Variants in PRKG2 observed in about 807,000 individuals in gnomAD.
PRKG2 encodes cGMP-dependent protein kinase 2.
PRKG2 carries 33 observed loss-of-function variants against 97.2 expected under a neutral mutation model. That is an observed-to-expected ratio of 0.34 (90% confidence interval 0.26 to 0.45). The LOEUF is 0.45. PRKG2 is among the 20% of genes least tolerant of loss of function. The pLI, the probability that PRKG2 is intolerant of heterozygous loss-of-function variation, is 1.00. For synonymous variants in PRKG2, 330 were observed against 321.8 expected (o/e 1.03, Z -0.27); for missense variants, 638 against 900.0 (o/e 0.71, Z 3.73).
intron 17 of PRKG2, among the ~76,000 whole-genome samples, chr4:81,104,098 A>C (rs1743087828): frequency 6.6e-6 from 1 of 152,180 alleles, no homozygotes; most frequent in Admixed American, 6.6e-5. Flanking sequence ...AAGTGGATAA[A>C]AAGTTAATTT....
chr4:81,195,416 C>G (rs1431741428), intron 2 of PRKG2, among the ~76,000 whole-genome samples: 1 of 152,016 alleles, frequency 6.6e-6, no homozygotes, highest in African/African-American at 2.4e-5. Flanking sequence ...TAAAATGTAT[C>G]ATTTTAACCA....
intron 2 of PRKG2, among the ~76,000 whole-genome samples, chr4:81,178,913 T>C (rs1751160658): frequency 1.3e-5 from 2 of 151,874 alleles, no homozygotes; most frequent in South Asian, 4.2e-4. Flanking sequence ...GATTACAAAG[T>C]CAAGAGATAG....
At chr4:81,105,031 T>C (rs1029998116) in intron 16 of PRKG2, among the ~76,000 whole-genome samples, 1 of 152,108 alleles carries the variant, frequency 6.6e-6, no homozygotes, top group South Asian at 2.1e-4. Flanking sequence ...ATAATAACAC[T>C]TCATTATCAC....
At chr4:81,134,381 A>G (rs935402057) in intron 14 of PRKG2, among the ~76,000 whole-genome samples, 2 of 152,168 alleles carry the variant, frequency 1.3e-5, no homozygotes, top group South Asian at 4.1e-4. Context: ...GAAACTTTTA[A>G]TATCTTTGTA....
At chr4:81,167,350 A>T (rs1227752635) in intron 5 of PRKG2, 126 bp from the exon 6 acceptor site, 3 of 558,498 alleles carry the variant, frequency 5.4e-6, no homozygotes, top group Non-Finnish European at 9.1e-6. Flanking sequence ...TTCCAAAGTA[A>T]ATGTCCAAAT....
chr4:81,099,394 A>C (rs1022436797), intron 17 of PRKG2, among the ~76,000 whole-genome samples: 3 of 152,176 alleles, frequency 2.0e-5, no homozygotes, highest in Non-Finnish European at 4.4e-5. Flanking sequence ...CCTGGGATGC[A>C]AGGCTGGTTC....
chr4:81,122,844 G>A (rs968235319), intron 14 of PRKG2, among the ~76,000 whole-genome samples: 10 of 152,192 alleles, frequency 6.6e-5, no homozygotes, highest in Non-Finnish European at 1.5e-5. Context: ...CCAGATGGAA[G>A]TCCTGTTGTA....
intron 12 of PRKG2, 25 bp from the exon 13 acceptor site, chr4:81,137,507 T>C (rs1249322515): frequency 6.4e-7 from 1 of 1,559,776 alleles, no homozygotes; most frequent in South Asian, 1.1e-5. Flanking sequence ...AAAAACATGG[T>C]TATTATTGGA....
intron 12 of PRKG2, 84 bp from the exon 13 acceptor site, chr4:81,137,566 C>T: frequency 9.6e-7 from 1 of 1,038,476 alleles, no homozygotes; most frequent in African/African-American, 1.6e-5. Context: ...ATCATCATAA[C>T]ATTAGGAACA....
chr4:81,171,744 G>A lies in PRKG2; in HGVS notation c.689C>T (p.Thr230Ile). Reference protein sequence around the residue: ...KLLSSIPMWTTFGELAILYNC... With the variant: ...KLLSSIPMWTIFGELAILYNC... ...GTATAAAATGGCAAGCTCCCCAAATGTGGTCCACATAGGGATGGAGGACAG... is the reference window on the plus strand; with the variant it reads ...GTATAAAATGGCAAGCTCCCCAAATATGGTCCACATAGGGATGGAGGACAG... The change falls in exon 4 of 19, where the codon ACA (threonine) becomes ATA (isoleucine). Residue 230 changes from threonine to isoleucine, a missense_variant. Coordinates refer to ENST00000264399, the MANE Select transcript of PRKG2 (RefSeq NM_006259.3). The A allele has an allele frequency of 1.2e-6, 2 of 1,611,402 alleles. No homozygotes were observed. The highest frequency in any genetic ancestry group is 1.1e-5 in the South Asian group (1 of 90,698).
chr4:81,174,278 C>T (rs1750731327), intron 3 of PRKG2, among the ~76,000 whole-genome samples: 1 of 152,054 alleles, frequency 6.6e-6, no homozygotes, highest in African/African-American at 2.4e-5. Context: ...AAAACCAAAA[C>T]ATCTTCCAGA....
intron 3 of PRKG2, 70 bp downstream of exon 3, chr4:81,174,723 A>G (rs1404720164): frequency 2.1e-6 from 3 of 1,431,914 alleles, no homozygotes; most frequent in South Asian, 2.8e-5. Context: ...TTATGTTTTT[A>G]TAAATGTTTG....
At chr4:81,099,928 A>C (rs996685462) in intron 17 of PRKG2, among the ~76,000 whole-genome samples, 9 of 152,020 alleles carry the variant, frequency 5.9e-5, no homozygotes, top group Non-Finnish European at 1.3e-4. Flanking sequence ...AACAGACAAA[A>C]AGAGAGCCAA....
rs1578462150 is a variant in PRKG2 at position 81,170,572 on chromosome 4, T to C, written c.743-804A>G. ...CCATTGCCAGAGACTCTGATTCAGG[T>C]TGGGAGTAGAGACCCAAAATCTGCA... On this transcript the variant is annotated intron_variant, in intron 4 of 18. Coordinates refer to ENST00000264399, the MANE Select transcript of PRKG2 (RefSeq NM_006259.3). Among the ~76,000 whole-genome samples, 8 of 152,146 alleles carry C rather than the reference T, an allele frequency of 5.3e-5. 2 individuals carry two copies.
In PRKG2 at chr4:81,135,359, G is replaced by T. The variant is rs187679893; in HGVS notation, c.1635-63C>A. ...ACACATCTTTGGTGCTGTTCTACGT[G>T]TCAAATCAATTATTGGATTGGCAGG... On this transcript the variant is annotated intron_variant, in intron 13 of 18. Transcript: ENST00000264399. The T allele has an allele frequency of 2.0e-6, 3 of 1,491,536 alleles. No individual in the cohort carries two copies. The Admixed American group carries it at 6.1e-5, about 30-fold the overall frequency. The allele number at this position is 1,491,536 out of a possible 1,614,324, so 92.4% of individuals were successfully genotyped here.
intron 8 of PRKG2, among the ~76,000 whole-genome samples, chr4:81,150,373 G>A (rs910332660): frequency 2.0e-5 from 3 of 152,076 alleles, no homozygotes; most frequent in Non-Finnish European, 2.9e-5. Flanking sequence ...ATAAAATTCT[G>A]AAAGAACTCC....
chr4:81,108,495 A>G (rs897382593), intron 15 of PRKG2, among the ~76,000 whole-genome samples: 1 of 133,596 alleles, frequency 7.5e-6, no homozygotes, highest in Non-Finnish European at 1.6e-5. Flanking sequence ...TTTTTTTTTA[A>G]TTTTCATTTC....
chr4:81,105,991 T>A, intron 15 of PRKG2, 56 bp from the exon 16 acceptor site: 15 of 1,531,826 alleles, frequency 9.8e-6, no homozygotes, highest in Non-Finnish European at 1.3e-5. Context: ...GAGATCACAT[T>A]TGGAATGAAT....
chr4:81,103,764 G>A (rs1743045118), intron 17 of PRKG2, among the ~76,000 whole-genome samples: 1 of 152,192 alleles, frequency 6.6e-6, no homozygotes, highest in Non-Finnish European at 1.5e-5. Context: ...CAGGCATGGT[G>A]GCTTGTGCCT....
Sources: allele counts gnomAD v4.1 joint callset (sites outside exome capture counted in the v4.1 genomes callset), GRCh38; gene constraint gnomAD v4.1.1; transcripts MANE v1.5; gene names NCBI Gene and HGNC (gene_info 2026-07-23, HGNC 2026-07-21).